Variants in SDCCAG8 observed in about 807,000 individuals in gnomAD.
The protein encoded by SDCCAG8 is SHH signaling and ciliogenesis regulator SDCCAG8.
SDCCAG8 carries 74 observed loss-of-function variants against 101.8 expected under a neutral mutation model. The ratio of observed to expected loss-of-function variants is 0.73; its 90% CI spans 0.60 to 0.88. The LOEUF (loss-of-function observed/expected upper bound fraction) is 0.88, where lower values mean the gene tolerates loss of function less well. SDCCAG8 is among the 40% of genes least tolerant of loss of function. The pLI is 0.00. For synonymous variants in SDCCAG8, 281 were observed against 292.9 expected, an observed-to-expected ratio of 0.96 and a Z score of 0.41; for missense variants, 787 against 822.6, an observed-to-expected ratio of 0.96 and a Z score of 0.53.
intron 16 of SDCCAG8, among the ~76,000 whole-genome samples, chr1:243,478,562 A>C (rs1230659749): frequency 1.3e-5 from 2 of 152,158 alleles, no homozygotes; most frequent in Admixed American, 6.5e-5. Context: ...CATTCTCTTC[A>C]TTGAAGGTGG....
At chr1:243,483,776 C>T (rs1474994592) in intron 16 of SDCCAG8, among the ~76,000 whole-genome samples, 2 of 152,176 alleles carry the variant, frequency 1.3e-5, no homozygotes, top group Admixed American at 1.3e-4. Context: ...ATCCCACTCT[C>T]AGTGTCTTGC....
intron 1 of SDCCAG8, among the ~76,000 whole-genome samples, chr1:243,258,302 G>A (rs961209189): frequency 6.6e-6 from 1 of 152,106 alleles, no homozygotes; most frequent in African/African-American, 2.4e-5. Context: ...ATTTTTGTAT[G>A]TTAGCTTATA....
chr1:243,495,466 G>A (rs1667586742), intron 17 of SDCCAG8, among the ~76,000 whole-genome samples: 1 of 152,206 alleles, frequency 6.6e-6, no homozygotes, highest in South Asian at 2.1e-4. Flanking sequence ...GTTATCAGGG[G>A]CCCAGCCGGG....
chr1:243,268,200 A>C (rs1164732702), intron 1 of SDCCAG8: 1 of 510,844 alleles, frequency 2.0e-6, no homozygotes, highest in Non-Finnish European at 3.5e-6. Flanking sequence ...TGTTAGTCAA[A>C]CTGTCTCGTT....
At chr1:243,384,563 TCTCA>T (rs1484610924) in intron 13 of SDCCAG8, among the ~76,000 whole-genome samples, 1 of 150,350 alleles carries the variant, frequency 6.7e-6, no homozygotes, top group Admixed American at 6.7e-5. Context: ...GCACCAGGCC[TCTCA>T]CTTACATGTA....
At chr1:243,292,026 C>G (rs184686465) in intron 5 of SDCCAG8, among the ~76,000 whole-genome samples, 1 of 152,100 alleles carries the variant, frequency 6.6e-6, no homozygotes, top group Non-Finnish European at 1.5e-5. Flanking sequence ...AAATGAACAG[C>G]CAACTGAAAA....
intron 13 of SDCCAG8, among the ~76,000 whole-genome samples, chr1:243,386,472 C>A (rs887720239): frequency 6.6e-6 from 1 of 152,072 alleles, no homozygotes; most frequent in Non-Finnish European, 1.5e-5. Context: ...GAGGCTAAGG[C>A]AGGCAGATCG....
intron 7 of SDCCAG8, among the ~76,000 whole-genome samples, chr1:243,306,741 G>A (rs901706206): frequency 6.6e-6 from 1 of 151,956 alleles, no homozygotes; most frequent in Admixed American, 6.6e-5. Context: ...TATCATCTTG[G>A]TGTTATTATT....
intron 16 of SDCCAG8, among the ~76,000 whole-genome samples, chr1:243,438,406 T>C (rs1218588532): frequency 6.6e-6 from 1 of 152,174 alleles, no homozygotes; most frequent in Non-Finnish European, 1.5e-5. Flanking sequence ...TGTCACCTTT[T>C]GGAATTTACA....
intron 9 of SDCCAG8, among the ~76,000 whole-genome samples, chr1:243,319,712 A>G (rs2073586260): frequency 1.3e-5 from 2 of 151,960 alleles, no homozygotes; most frequent in African/African-American, 4.8e-5. Flanking sequence ...TTTCCTCTTC[A>G]TTCTATCTCT....
At chr1:243,432,028 C>T (rs1245013816) in intron 16 of SDCCAG8, among the ~76,000 whole-genome samples, 5 of 152,030 alleles carry the variant, frequency 3.3e-5, no homozygotes, top group East Asian at 1.9e-4. Flanking sequence ...TTACCAAATC[C>T]GTAAGTTCTA....
intron 17 of SDCCAG8, 54 bp from the exon 18 acceptor site, chr1:243,499,702 A>G (rs761797534): frequency 6.5e-6 from 9 of 1,387,194 alleles, no homozygotes; most frequent in Non-Finnish European, 9.2e-6. Flanking sequence ...TGAGAAGACA[A>G]ATAACATTGA....
chr1:243,334,480 T>C (rs2074859618), intron 10 of SDCCAG8, among the ~76,000 whole-genome samples: 1 of 152,248 alleles, frequency 6.6e-6, no homozygotes, highest in Admixed American at 6.5e-5. Flanking sequence ...CATGTACATA[T>C]GCCTCTCTTC....
chr1:243,473,083 C>A (rs1342771338), intron 16 of SDCCAG8, among the ~76,000 whole-genome samples: 2 of 149,046 alleles, frequency 1.3e-5, no homozygotes, highest in Non-Finnish European at 3.0e-5. Context: ...AGTTTAGGAT[C>A]TCTGCGGGGG....
At chr1:243,341,610 T>TA (rs2147783670) in intron 11 of SDCCAG8, among the ~76,000 whole-genome samples, 2 of 152,308 alleles carry the variant, frequency 1.3e-5, no homozygotes, top group African/African-American at 4.8e-5. Flanking sequence ...GTGCTTGACA[T>TA]AAAAAATCTT....
chr1:243,294,390 A>G (rs1200893212), intron 6 of SDCCAG8, among the ~76,000 whole-genome samples: 2 of 151,830 alleles, frequency 1.3e-5, no homozygotes, highest in Admixed American at 6.6e-5. Context: ...TTGTTCTATT[A>G]GCTCATGTTC....
rs1033611636 is a variant in SDCCAG8 at position 243,474,224 on chromosome 1, C to T, written c.1986-14790C>T. 6.6e-6 allele frequency among the ~76,000 whole-genome samples: 1 copy of T among 152,216 alleles called. No homozygotes were observed. Among genetic ancestry groups the T allele is most frequent in the African/African-American group, 2.4e-5 (1 of 41,458 alleles). On this transcript the variant is annotated intron_variant, in intron 16 of 17. Coordinates refer to ENST00000366541, the MANE Select transcript of SDCCAG8 (RefSeq NM_006642.5). The surrounding 1 kb of genome is among the most constrained non-coding windows in gnomAD (Gnocchi z 4.7). Reference sequence around the variant, plus strand: ...ATCAACCTTTTTACTCATTGCCTCTCAGGGGAAAGAACTTGGGACGTGAGC... The same window carrying T: ...ATCAACCTTTTTACTCATTGCCTCTTAGGGGAAAGAACTTGGGACGTGAGC...
intron 12 of SDCCAG8, among the ~76,000 whole-genome samples, chr1:243,353,224 C>T (rs2076182126): frequency 6.6e-6 from 1 of 151,896 alleles, no homozygotes; most frequent in Non-Finnish European, 1.5e-5. Context: ...GCCGTGGTGG[C>T]TCATGCCTGT....
intron 16 of SDCCAG8, among the ~76,000 whole-genome samples, chr1:243,446,872 A>G (rs1438385702): frequency 6.6e-6 from 1 of 152,120 alleles, no homozygotes; most frequent in Non-Finnish European, 1.5e-5. Context: ...CCTTGCATAA[A>G]AGTCATGGAA....
Sources: gnomAD v4.1 joint callset for allele counts (sites outside exome capture counted in the v4.1 genomes callset) on GRCh38, gnomAD v4.1.1 for gene constraint, Gnocchi (gnomAD v3.1) non-coding constraint, MANE v1.5 for transcripts, NCBI Gene and HGNC (gene_info 2026-07-23, HGNC 2026-07-21) for gene names.